TMPRSS11A: variants seen among roughly 807,000 people sequenced by gnomAD.
TMPRSS11A encodes the protein transmembrane serine protease 11A.
Under a neutral mutation model 58.9 loss-of-function variants are expected in TMPRSS11A, and 53 were observed. That is an observed-to-expected ratio of 0.90 (90% CI 0.72 to 1.13). The LOEUF (loss-of-function observed/expected upper bound fraction) is 1.13, where lower values mean the gene tolerates loss of function less well. Among genes scored for constraint, TMPRSS11A ranks in the 50% most tolerant of loss-of-function variants. The pLI, the probability that TMPRSS11A is intolerant of heterozygous loss-of-function variation, is 0.00. For missense variants in TMPRSS11A, 493 were observed against 499.3 expected (o/e 0.99, Z 0.12); for synonymous variants, 167 against 169.8 (o/e 0.98, Z 0.13).
intron 1 of TMPRSS11A, among the ~76,000 whole-genome samples, chr4:67,955,637 A>T (rs1407011616): frequency 6.6e-6 from 1 of 152,170 alleles, no homozygotes; most frequent in Admixed American, 6.5e-5. Context: ...GGATCCATTT[A>T]ACTGTCCATG....
intron 9 of TMPRSS11A, among the ~76,000 whole-genome samples, 175 bp downstream of exon 9, chr4:67,914,413 C>A (rs1473740237): frequency 1.3e-5 from 2 of 152,010 alleles, no homozygotes; most frequent in Admixed American, 6.5e-5. Context: ...GAAACTCTTA[C>A]TTCATTTATC....
intron 9 of TMPRSS11A, among the ~76,000 whole-genome samples, chr4:67,913,112 TTTG>T (rs1720031008): frequency 6.6e-6 from 1 of 152,206 alleles, no homozygotes; most frequent in Non-Finnish European, 1.5e-5. Flanking sequence ...ATTCTTACTG[TTTG>T]GTTCTAGGGT....
At chr4:67,921,230 A>G (rs775316229) in intron 7 of TMPRSS11A, among the ~76,000 whole-genome samples, 27 of 152,248 alleles carry the variant, frequency 1.8e-4, no homozygotes, top group Non-Finnish European at 3.7e-4. Context: ...ATTACTTTGA[A>G]AAACCAGACA....
At chr4:67,944,659 G>A (rs762726104) in intron 2 of TMPRSS11A, 22 bp from the exon 3 acceptor site, 21 of 1,600,690 alleles carry the variant, frequency 1.3e-5, no homozygotes, top group Non-Finnish European at 1.6e-5. Context: ...ATGAAAAATA[G>A]GAAACTAAAT....
chr4:67,961,321 T>C (rs1050670745), intron 1 of TMPRSS11A, among the ~76,000 whole-genome samples: 24 of 152,162 alleles, frequency 1.6e-4, no homozygotes, highest in African/African-American at 5.8e-4. Flanking sequence ...GCCTCAATCC[T>C]TAAGCCTACT....
At chr4:67,926,438 A>G (rs1196962492) in intron 5 of TMPRSS11A, among the ~76,000 whole-genome samples, 1 of 152,228 alleles carries the variant, frequency 6.6e-6, no homozygotes, top group Admixed American at 6.5e-5. Flanking sequence ...GCCTTTCTTA[A>G]GTGCTAGTGA....
chr4:67,952,461 C>A lies in TMPRSS11A; in HGVS notation c.12-5890G>T, dbSNP rs529503186. Among the ~76,000 whole-genome samples, 28 of 152,242 alleles carry A rather than the reference C, an allele frequency of 1.8e-4. No homozygotes were observed. In the South Asian group the frequency reaches 5.6e-3, roughly 30 times the overall value. Reference sequence around the variant, plus strand: ...GTGGTTTTACTGATATGAAGCTCCACCAAATCTTCATTGTGATTATGTTTC... The same window carrying A: ...GTGGTTTTACTGATATGAAGCTCCAACAAATCTTCATTGTGATTATGTTTC... On this transcript the variant is annotated intron_variant, in intron 1 of 9. Transcript: ENST00000508048.
rs1249919863 is a variant in TMPRSS11A, at chr4:67,911,517, C to A, written c.1096-14G>T. ...CCCAGAATCACCCTAAAAATAAAAA[C>A]ATAAGAAAAAAGAAAGAAAATTAGC... On this transcript the variant is annotated splice_polypyrimidine_tract_variant and intron_variant, in intron 9 of 9. Transcript: ENST00000508048. 3 of 1,589,952 alleles carry A rather than the reference C, an allele frequency of 1.9e-6. No homozygotes were observed. The highest frequency in any genetic ancestry group is 3.8e-5 in the Admixed American group (2 of 52,644).
At chr4:67,956,464 T>C (rs1336700831) in intron 1 of TMPRSS11A, among the ~76,000 whole-genome samples, 1 of 152,206 alleles carries the variant, frequency 6.6e-6, no homozygotes, top group Non-Finnish European at 1.5e-5. Context: ...GCCAGAGATA[T>C]TTCAGAAACA....
intron 8 of TMPRSS11A, 73 bp from the exon 9 acceptor site, chr4:67,914,803 C>G: frequency 1.6e-6 from 2 of 1,285,726 alleles, no homozygotes. Context: ...GCAGACTTTC[C>G]TAATATTTTT....
In TMPRSS11A at chr4:67,930,037, TG is replaced by T; in HGVS notation, c.323del (p.Pro108GlnfsTer6). 6.2e-7 allele frequency: 1 copy of T among 1,607,406 alleles called. No homozygotes were observed. The highest frequency in any genetic ancestry group is 1.1e-5 in the South Asian group (1 of 90,226). Reference protein sequence around the residue: ...YIKNQVVRLTPEEDGVKVDVI... With the variant: ...YIKNQVVRLTXEEDGVKVDVI... ...CATCTACTTTCACACCATCTTCCTCTGGACTGTGACACACAAAAGAAAGGTA... is the reference window on the plus strand; with the variant it reads ...CATCTACTTTCACACCATCTTCCTCTGACTGTGACACACAAAAGAAAGGTA... On this transcript the variant is annotated frameshift_variant and splice_region_variant, in exon 5 of 10. Coordinates refer to ENST00000508048, the MANE Select transcript of TMPRSS11A (RefSeq NM_001114387.2). LOFTEE classifies it high-confidence loss of function.
At chr4:67,916,138 T>C (rs1379432746) in intron 8 of TMPRSS11A, among the ~76,000 whole-genome samples, 1 of 152,164 alleles carries the variant, frequency 6.6e-6, no homozygotes. Context: ...TTAAGTGTTC[T>C]TGCCACAAAA....
At chr4:67,956,908 C>T (rs115403358) in intron 1 of TMPRSS11A, among the ~76,000 whole-genome samples, 2 of 152,110 alleles carry the variant, frequency 1.3e-5, no homozygotes, top group Non-Finnish European at 2.9e-5. Flanking sequence ...GGGAGAGACC[C>T]AATGGGAGGT....
rs1377929000 is a variant in TMPRSS11A, at chr4:67,910,450, T to G, written c.*892A>C. The G allele has an allele frequency of 6.6e-6, 1 of 152,040 alleles. No homozygotes were observed. Among genetic ancestry groups the G allele is most frequent in the Non-Finnish European group, 1.5e-5 (1 of 67,928 alleles). The allele number at this position is 152,040 out of a possible 1,614,324, so 9.4% of individuals were successfully genotyped here. A position where few individuals can be genotyped will look rare whatever the true frequency, so the allele number is the denominator to read the frequency against. ...TTTTCAAGGTATTAGTAAATGCTTA[T>G]TTTTTTCAGGCATTTAACCCTACAA... On this transcript the variant is annotated 3_prime_UTR_variant, in exon 10 of 10. Transcript: ENST00000508048.
At chr4:67,928,346 T>G (rs1720527059) in intron 5 of TMPRSS11A, among the ~76,000 whole-genome samples, 1 of 152,184 alleles carries the variant, frequency 6.6e-6, no homozygotes, top group African/African-American at 2.4e-5. Flanking sequence ...ATGCCCAGCC[T>G]CAGGTGACTC....
intron 3 of TMPRSS11A, among the ~76,000 whole-genome samples, chr4:67,943,196 A>G (rs1560571320): frequency 6.6e-6 from 1 of 152,096 alleles, no homozygotes; most frequent in Non-Finnish European, 1.5e-5. Flanking sequence ...TTAAAACTCC[A>G]CTTTTAAATA....
chr4:67,940,124 G>T (rs539870728), intron 3 of TMPRSS11A, among the ~76,000 whole-genome samples: 135 of 152,316 alleles, frequency 8.9e-4, no homozygotes, highest in African/African-American at 3.1e-3. Flanking sequence ...TGTGCTGCTG[G>T]ATTTGGTTTG....
intron 3 of TMPRSS11A, among the ~76,000 whole-genome samples, chr4:67,940,362 G>A (rs1252602630): frequency 1.3e-5 from 2 of 151,596 alleles, no homozygotes; most frequent in African/African-American, 4.9e-5. Context: ...ATCTAGTTTG[G>A]GCCTTTTTTT....
chr4:67,963,402 G>C lies in TMPRSS11A; in HGVS notation c.-9C>G. 1 of 1,613,540 alleles carries C rather than the reference G, an allele frequency of 6.2e-7. No individual in the cohort carries two copies. The highest frequency in any genetic ancestry group is 8.5e-7 in the Non-Finnish European group (1 of 1,179,750). ...ACTTACCGATACATCATGTACAGGAGGAAGAATATGATCTTGCAGGTCTGC... is the reference window on the plus strand; with the variant it reads ...ACTTACCGATACATCATGTACAGGACGAAGAATATGATCTTGCAGGTCTGC... On this transcript the variant is annotated 5_prime_UTR_variant, in exon 1 of 10. Coordinates refer to ENST00000508048, the MANE Select transcript of TMPRSS11A (RefSeq NM_001114387.2).
Sources: gnomAD v4.1 joint callset for allele counts (sites outside exome capture counted in the v4.1 genomes callset) on GRCh38, gnomAD v4.1.1 for gene constraint, MANE v1.5 for transcripts, NCBI Gene and HGNC (gene_info 2026-07-23, HGNC 2026-07-21) for gene names.